SIGLEC1: variants seen among roughly 807,000 people sequenced by gnomAD.
SIGLEC1 encodes sialic acid binding Ig like lectin 1.
A neutral mutation model predicts 148.0 loss-of-function variants in SIGLEC1; 132 were observed. That is an observed-to-expected ratio of 0.89 (90% confidence interval 0.77 to 1.03). SIGLEC1 has a LOEUF of 1.03. Ranked by LOEUF, SIGLEC1 falls within the 50% of genes least tolerant of loss-of-function variation. The pLI, the probability that SIGLEC1 is intolerant of heterozygous loss-of-function variation, is 0.00. For missense variants in SIGLEC1, 2,253 were observed against 2,271.4 expected, an observed-to-expected ratio of 0.99 and a Z score of 0.16; for synonymous variants, 945 against 969.0, an observed-to-expected ratio of 0.98 and a Z score of 0.46.
chr20:3,689,551 T>C, intron 20 of SIGLEC1, 49 bp downstream of exon 20: 1 of 1,312,534 alleles, frequency 7.6e-7, no homozygotes, highest in South Asian at 1.3e-5. Context: ...GAAGACGAGG[T>C]GGGCTGCCTT....
intron 20 of SIGLEC1, 95 bp from the exon 21 acceptor site, chr20:3,689,322 A>G (rs1452579406): frequency 6.4e-6 from 7 of 1,092,020 alleles, no homozygotes; most frequent in Non-Finnish European, 8.4e-6. Context: ...CCAGACCACA[A>G]GAGCGTGGGA....
At position 3,692,588 on chromosome 20, in the gene SIGLEC1, G is replaced by C. The variant is rs6115990; in HGVS notation, c.3963C>G (p.Ala1321=). 6.2e-6 allele frequency: 10 copies of C among 1,611,868 alleles called. No homozygotes were observed. Among genetic ancestry groups the C allele is most frequent in the Non-Finnish European group, 7.6e-6 (9 of 1,179,938 alleles). Residue 1321 remains alanine (A), a synonymous_variant, in exon 16 of 22, where the codon GCC becomes GCG. Transcript: ENST00000344754. ...GGGCATCCTGGGCCTGGCAAGAGTA[G>C]GCGCCTGCATGAGCCCGCGTGGCCA... ...FLVATRAHAG[A]YSCQAQDAQG... is the part of the protein sequence containing the mutation.
chr20:3,706,836 C>T lies in SIGLEC1; in HGVS notation c.50-130G>A, dbSNP rs762975214. The T allele has an allele frequency of 9.9e-6, 12 of 1,207,682 alleles. No homozygotes were observed. In the South Asian group the frequency reaches 1.4e-4, roughly 14 times the overall value. The allele number at this position is 1,207,682 out of a possible 1,614,324, so 74.8% of individuals were successfully genotyped here. A position where few individuals can be genotyped will look rare whatever the true frequency, so the allele number is the denominator to read the frequency against. On this transcript the variant is annotated intron_variant, in intron 2 of 21. Transcript: ENST00000344754. Reference sequence around the variant, plus strand: ...AAATTCTGCCCTGCCCCGAGAAATGCACACTTAGAGCAGCCCTTCTCAGTG... The same window carrying T: ...AAATTCTGCCCTGCCCCGAGAAATGTACACTTAGAGCAGCCCTTCTCAGTG...
Position 3,697,113 on chromosome 20 carries a change from G to T in SIGLEC1, c.2352C>A (p.Leu784=), listed in dbSNP as rs1419197735. The change falls in exon 10 of 22, where the codon CTC becomes CTA. Residue 784 remains leucine (L), a synonymous_variant. Transcript: ENST00000344754. ...CRILTEAGAQ[L]STPVLLSVLY... Reference sequence around the variant, plus strand: ...GTACACTCAGGAGCACGGGAGTGGAGAGCTGGGCACCAGCCTCAGTCAGGA... The same window carrying T: ...GTACACTCAGGAGCACGGGAGTGGATAGCTGGGCACCAGCCTCAGTCAGGA... The T allele has an allele frequency of 6.2e-7, 1 of 1,612,892 alleles. No homozygotes were observed. Among genetic ancestry groups the T allele is most frequent in the East Asian group, 2.2e-5 (1 of 44,872 alleles).
chr20:3,707,117 C>G lies in SIGLEC1; in HGVS notation c.12G>C (p.Leu4Phe). 6.2e-7 allele frequency: 1 copy of G among 1,614,056 alleles called. No homozygotes were observed. Among genetic ancestry groups the G allele is most frequent in the Non-Finnish European group, 8.5e-7 (1 of 1,179,976 alleles). ...ATGAGGCCAGGAGGAGAAGCTTGGGCAAGAAGCCCATAGCAGGTTCTTGTG... is the reference window on the plus strand; with the variant it reads ...ATGAGGCCAGGAGGAGAAGCTTGGGGAAGAAGCCCATAGCAGGTTCTTGTG... MGF[L>F]PKLLLLASFF... Residue 4 changes from leucine to phenylalanine, a missense_variant, in exon 2 of 22, where the codon TTG (leucine) becomes TTC (phenylalanine). Coordinates refer to ENST00000344754, the MANE Select transcript of SIGLEC1 (RefSeq NM_023068.4).
chr20:3,707,923 G>A (rs564759380), intron 1 of SIGLEC1, among the ~76,000 whole-genome samples: 127 of 152,364 alleles, frequency 8.3e-4, no homozygotes, highest in East Asian at 9.6e-4. Flanking sequence ...GCTTCCAGCT[G>A]GAACTTCTCC....
rs745686973 is a variant in SIGLEC1 at position 3,707,134 on chromosome 20, G to A, written c.-6C>T. 2.5e-6 allele frequency: 4 copies of A among 1,613,930 alleles called. No individual in the cohort carries two copies. In the South Asian group the frequency reaches 4.4e-5, roughly 18 times the overall value. On this transcript the variant is annotated 5_prime_UTR_variant, in exon 2 of 22. Transcript: ENST00000344754. ...AGCTTGGGCAAGAAGCCCATAGCAG[G>A]TTCTTGTGCTGCTCCTGTTGCCTAA... is the stretch of plus-strand genomic sequence containing the variant.
intron 18 of SIGLEC1, among the ~76,000 whole-genome samples, chr20:3,690,980 G>T (rs920602326): frequency 6.6e-6 from 1 of 151,948 alleles, no homozygotes; most frequent in Non-Finnish European, 1.5e-5. Flanking sequence ...ACAGGTGTGT[G>T]CCTTCATGCC....
intron 10 of SIGLEC1, 76 bp downstream of exon 10, chr20:3,697,009 C>A: frequency 6.4e-7 from 1 of 1,565,282 alleles, no homozygotes; most frequent in Non-Finnish European, 8.6e-7. Flanking sequence ...TCCCCAAACC[C>A]CAGCCCGGCC....
rs763769068 is a variant in SIGLEC1, at chr20:3,692,597, A to G, written c.3954T>C (p.His1318=). 6.2e-7 allele frequency: 1 copy of G among 1,612,542 alleles called. No homozygotes were observed. The highest frequency in any genetic ancestry group is 8.5e-7 in the Non-Finnish European group (1 of 1,180,002). The change falls in exon 16 of 22, where the codon CAT becomes CAC. Residue 1318 remains histidine, a synonymous_variant. Transcript: ENST00000344754. ...SLSFLVATRA[H]AGAYSCQAQD... is the part of the protein sequence containing the mutation. ...GGGCCTGGCAAGAGTAGGCGCCTGC[A>G]TGAGCCCGCGTGGCCACCAGGAATG...
intron 2 of SIGLEC1, 68 bp from the exon 3 acceptor site, chr20:3,706,774 C>A: frequency 1.4e-6 from 2 of 1,457,726 alleles, no homozygotes; most frequent in Non-Finnish European, 1.8e-6. Context: ...CAGAGCCCTG[C>A]GACCTGCCCC....
chr20:3,690,387 T>G, intron 18 of SIGLEC1, 123 bp from the exon 19 acceptor site: 1 of 783,900 alleles, frequency 1.3e-6, no homozygotes, highest in African/African-American at 1.7e-5. Flanking sequence ...TCCTCACTCC[T>G]TGAATCTGTG....
chr20:3,688,467 G>T lies in SIGLEC1; in HGVS notation c.*93C>A. On this transcript the variant is annotated 3_prime_UTR_variant, in exon 22 of 22. Coordinates refer to ENST00000344754, the MANE Select transcript of SIGLEC1 (RefSeq NM_023068.4). ...CACAGAGCTGTTTTCGTAGAGGCGG[G>T]CAGGACTCAACACTGCCTCATTCAC... 1 of 1,070,276 alleles carries T rather than the reference G, an allele frequency of 9.3e-7. No homozygotes were observed. Among genetic ancestry groups the T allele is most frequent in the Non-Finnish European group, 1.4e-6 (1 of 709,642 alleles). 66.3% of individuals were successfully genotyped at this position (1,070,276 alleles called of 1,614,324 possible).
In SIGLEC1 at chr20:3,706,679, G is replaced by T; in HGVS notation, c.77C>A (p.Pro26His). 1 of 1,552,888 alleles carries T rather than the reference G, an allele frequency of 6.4e-7. No individual in the cohort carries two copies. The highest frequency in any genetic ancestry group is 8.7e-7 in the Non-Finnish European group (1 of 1,147,186). Residue 26 changes from proline (P) to histidine (H), a missense_variant, in exon 3 of 22, where the codon CCC becomes CAC. Pro to His is a moderately conservative substitution (Grantham distance 77). Coordinates refer to ENST00000344754, the MANE Select transcript of SIGLEC1 (RefSeq NM_023068.4). ...AGQASWGVSSPQDVQGVKGSC... is the reference protein window; with the variant it reads ...AGQASWGVSSHQDVQGVKGSC... ...CCCCTTCACACCCTGCACGTCCTGG[G>T]GACTGGAGACGCCCCATGAGGCCTG...
At position 3,698,586 on chromosome 20, in the gene SIGLEC1, T is replaced by C. The variant is rs183156646; in HGVS notation, c.1787-453A>G. Among the ~76,000 whole-genome samples the C allele has an allele frequency of 2.6e-3, 400 of 152,344 alleles. 1 individual carries two copies. Among genetic ancestry groups the C allele is most frequent in the African/African-American group, 8.3e-3 (345 of 41,578 alleles). ...AGCCAGCTCCTGTGATACTAGCGAA[T>C]GCATAGAATGGCCTCTTCCTGAAGG... On this transcript the variant is annotated intron_variant, in intron 8 of 21. Coordinates refer to ENST00000344754, the MANE Select transcript of SIGLEC1 (RefSeq NM_023068.4).
At position 3,694,747 on chromosome 20, in the gene SIGLEC1, G is replaced by C. The variant is rs1400828867; in HGVS notation, c.2860C>G (p.Gln954Glu). ...TLRFAAITLTQAGAYHCQAQA... is the reference protein window; with the variant it reads ...TLRFAAITLTEAGAYHCQAQA... ...GCTTGGCAATGATAGGCCCCAGCTT[G>C]TGTCAAAGTTATGGCTGCAAAGCGG... is the stretch of plus-strand genomic sequence containing the variant. The change falls in exon 12 of 22, where the codon CAA (glutamine) becomes GAA (glutamate). Residue 954 changes from glutamine (Q) to glutamate (E), a missense_variant. Physicochemically the swap from Gln to Glu is conservative, Grantham distance 29 (BLOSUM62 2). Coordinates refer to ENST00000344754, the MANE Select transcript of SIGLEC1 (RefSeq NM_023068.4). 6.2e-7 allele frequency: 1 copy of C among 1,613,760 alleles called. No individual in the cohort carries two copies. Among genetic ancestry groups the C allele is most frequent in the Non-Finnish European group, 8.5e-7 (1 of 1,180,036 alleles).
rs2088775238 is a variant in SIGLEC1, at chr20:3,692,571, T to C, written c.3980A>G (p.Gln1327Arg). ...GGAGCTGCGGGTGCCCTGGGCATCC[T>C]GGGCCTGGCAAGAGTAGGCGCCTGC... ...AHAGAYSCQAQDAQGTRSSRP... is the reference protein window; with the variant it reads ...AHAGAYSCQARDAQGTRSSRP... The change falls in exon 16 of 22, where the codon CAG (glutamine) becomes CGG (arginine). Residue 1327 changes from glutamine (Q) to arginine (R), a missense_variant. Coordinates refer to ENST00000344754, the MANE Select transcript of SIGLEC1 (RefSeq NM_023068.4). 1 of 1,610,422 alleles carries C rather than the reference T, an allele frequency of 6.2e-7. No individual in the cohort carries two copies. Among genetic ancestry groups the C allele is most frequent in the Non-Finnish European group, 8.5e-7 (1 of 1,179,714 alleles).
chr20:3,707,018 C>T (rs1568463716), intron 2 of SIGLEC1, 62 bp downstream of exon 2: 2 of 1,545,136 alleles, frequency 1.3e-6, no homozygotes, highest in Non-Finnish European at 8.9e-7. Context: ...GTCTAATCTG[C>T]CAAGGGCTGG....
At position 3,694,202 on chromosome 20, in the gene SIGLEC1, C is replaced by T. The variant is rs2088796618; in HGVS notation, c.3256+19G>A. The T allele has an allele frequency of 1.3e-6, 2 of 1,594,140 alleles. No individual in the cohort carries two copies. Among genetic ancestry groups the T allele is most frequent in the Non-Finnish European group, 1.7e-6 (2 of 1,170,282 alleles). Reference sequence around the variant, plus strand: ...ACACACACACACACACACACACACACACACACACACACACTGACCTTGAGC... The same window carrying T: ...ACACACACACACACACACACACACATACACACACACACACTGACCTTGAGC... On this transcript the variant is annotated intron_variant, in intron 13 of 21. Transcript: ENST00000344754.
Sources: allele counts gnomAD v4.1 joint callset (sites outside exome capture counted in the v4.1 genomes callset), GRCh38; gene constraint gnomAD v4.1.1; transcripts MANE v1.5; gene names NCBI Gene and HGNC (gene_info 2026-07-23, HGNC 2026-07-21).